C11orf65: variants seen among roughly 807,000 people sequenced by gnomAD.
C11orf65 encodes the protein protein MFI.
A neutral mutation model predicts 35.3 loss-of-function variants in C11orf65; 38 were observed. The ratio of observed to expected loss-of-function variants is 1.08; its 90% CI spans 0.83 to 1.41. The LOEUF is 1.41. C11orf65 is among the 40% of genes most tolerant of loss of function. The pLI is 0.00. For missense variants in C11orf65, 370 were observed against 367.1 expected, an observed-to-expected ratio of 1.01 and a Z score of -0.06; for synonymous variants, 105 against 114.4, an observed-to-expected ratio of 0.92 and a Z score of 0.53.
intron 2 of C11orf65, chr11:108,343,395 G>T (rs2136956015): frequency 6.2e-7 from 1 of 1,612,628 alleles, no homozygotes; most frequent in South Asian, 1.1e-5. Flanking sequence ...AAAATTAAAG[G>T]TTATTGTAAG....
chr11:108,382,464 CATT>C (rs1402974864), downstream of C11orf65, among the ~76,000 whole-genome samples: 3 of 151,796 alleles, frequency 2.0e-5, no homozygotes, highest in Admixed American at 6.6e-5. Flanking sequence ...GGAAAGATAA[CATT>C]ATAAAAGAAA....
chr11:108,393,340 T>TG lies in C11orf65; in HGVS notation c.598dup (p.His200ProfsTer2). 1 of 1,614,064 alleles carries TG rather than the reference T, an allele frequency of 6.2e-7. No homozygotes were observed. The highest frequency in any genetic ancestry group is 1.1e-5 in the South Asian group (1 of 91,078). ...AGTGTGAATTAGTCCTAGAGTTTCA[T>TG]GATGTGTTGACTTAGCCTCCAGACT... On this transcript the variant is annotated frameshift_variant, in exon 7 of 9. Coordinates refer to ENST00000393084, the MANE Select transcript of C11orf65 (RefSeq NM_152587.5). LOFTEE classifies it high-confidence loss of function.
intron 3 of C11orf65, among the ~76,000 whole-genome samples, chr11:108,408,689 A>AAAATAAAATAAAATAAAAT (rs1565659861): frequency 4.4e-4 from 38 of 86,972 alleles, no homozygotes; most frequent in African/African-American, 2.2e-3. Flanking sequence ...AAAATAAAAT[A>AAAATAAAATAAAATAAAAT]AAATAAAATA....
intron 2 of C11orf65, among the ~76,000 whole-genome samples, chr11:108,358,275 C>T (rs2090272028): frequency 6.8e-6 from 1 of 147,262 alleles, no homozygotes; most frequent in South Asian, 2.2e-4. Context: ...AGCAAAGCCT[C>T]CAAGAAATAT....
At chr11:108,448,269 C>T (rs2093294493) in intron 2 of C11orf65, among the ~76,000 whole-genome samples, 1 of 152,186 alleles carries the variant, frequency 6.6e-6, no homozygotes, top group Admixed American at 6.5e-5. Context: ...AGGGAATCCT[C>T]CCTAACTCTT....
chr11:108,308,884 G>T, exon 7 of C11orf65: 1 of 731,360 alleles, frequency 1.4e-6, no homozygotes, highest in Non-Finnish European at 2.3e-6. Flanking sequence ...CTTCTGAGGA[G>T]GCCTATCAGA....
chr11:108,445,476 T>C (rs1241851256), intron 2 of C11orf65, among the ~76,000 whole-genome samples: 1 of 152,150 alleles, frequency 6.6e-6, no homozygotes, highest in Non-Finnish European at 1.5e-5. Context: ...GCCACCGCTG[T>C]TCTGCAGCCA....
intron 3 of C11orf65, among the ~76,000 whole-genome samples, chr11:108,428,905 G>T (rs953071351): frequency 1.3e-5 from 2 of 152,164 alleles, no homozygotes; most frequent in Middle Eastern, 3.2e-3. Context: ...CCAGCACATT[G>T]GGAGGCCAAG....
chr11:108,355,751 A>C (rs2089833608), intron 2 of C11orf65: 2 of 152,240 alleles, frequency 1.3e-5, no homozygotes, highest in Non-Finnish European at 2.9e-5. Flanking sequence ...GTGCATTTTT[A>C]AAAATCTCTC....
At chr11:108,336,526 T>C (rs893248927) in intron 2 of C11orf65, 2 of 156,924 alleles carry the variant, frequency 1.3e-5, no homozygotes, top group East Asian at 1.9e-4. Flanking sequence ...AACAGCTGCA[T>C]TGTGTGTATG....
chr11:108,347,252 C>A (rs1467251872), intron 2 of C11orf65: 3 of 1,494,162 alleles, frequency 2.0e-6, no homozygotes, highest in Non-Finnish European at 2.8e-6. Context: ...TCAGTGATTT[C>A]AGATTGTTTG....
At chr11:108,351,857 A>G (rs2089239690) in intron 2 of C11orf65, among the ~76,000 whole-genome samples, 1 of 152,152 alleles carries the variant, frequency 6.6e-6, no homozygotes, top group Non-Finnish European at 1.5e-5. Context: ...CTGCTAGTCT[A>G]TATTTTCTAA....
intron 2 of C11orf65, among the ~76,000 whole-genome samples, chr11:108,374,018 C>T (rs2091645903): frequency 6.6e-6 from 1 of 152,240 alleles, no homozygotes; most frequent in Admixed American, 6.5e-5. Context: ...AACAAAGCAG[C>T]CGGGAAGCTC....
At chr11:108,437,058 G>A (rs956075164) in intron 2 of C11orf65, among the ~76,000 whole-genome samples, 4 of 114,322 alleles carry the variant, frequency 3.5e-5, no homozygotes, top group African/African-American at 6.7e-5. Context: ...AGGAGTTTGA[G>A]ACCCACCAGG....
chr11:108,405,763 A>T (rs2092529337), intron 5 of C11orf65, among the ~76,000 whole-genome samples: 1 of 152,242 alleles, frequency 6.6e-6, no homozygotes, highest in African/African-American at 2.4e-5. Flanking sequence ...CAGATAGATC[A>T]ACAAAGTACT....
chr11:108,453,799 T>C (rs534012095), intron 2 of C11orf65, among the ~76,000 whole-genome samples: 8 of 152,302 alleles, frequency 5.3e-5, no homozygotes, highest in Admixed American at 4.6e-4. Context: ...TTAAATTCAG[T>C]TTGCTAGTAT....
intron 1 of C11orf65, among the ~76,000 whole-genome samples, chr11:108,462,079 T>C (rs1205426975): frequency 6.6e-6 from 1 of 152,230 alleles, no homozygotes; most frequent in Non-Finnish European, 1.5e-5. Context: ...AGTCTTTCTC[T>C]GTTGCCTTGG....
chr11:108,388,145 C>A (rs2092057145), intron 7 of C11orf65, among the ~76,000 whole-genome samples: 1 of 152,132 alleles, frequency 6.6e-6, no homozygotes, highest in African/African-American at 2.4e-5. Context: ...CTTCAAGAAA[C>A]CAAGATAAAA....
intron 2 of C11orf65, among the ~76,000 whole-genome samples, chr11:108,344,670 T>G (rs17503908): frequency 0.067 from 10,199 of 151,960 alleles, 445 homozygotes; most frequent in Middle Eastern, 0.12. Context: ...ATGAGAAATA[T>G]GAAGGAGGCA....
Sources: gnomAD v4.1 joint callset for allele counts (sites outside exome capture counted in the v4.1 genomes callset) on GRCh38, gnomAD v4.1.1 for gene constraint, MANE v1.5 for transcripts, NCBI Gene and HGNC (gene_info 2026-07-23, HGNC 2026-07-21) for gene names.